CNTNAP4: variants seen among roughly 807,000 people sequenced by gnomAD.
CNTNAP4 encodes contactin-associated protein-like 4.
Under a neutral mutation model 148.4 loss-of-function variants are expected in CNTNAP4, and 98 were observed. That is an observed-to-expected ratio of 0.66 (90% CI 0.56 to 0.78). CNTNAP4 has a LOEUF of 0.78. Among genes scored for constraint, CNTNAP4 ranks in the 30% least tolerant of loss-of-function variants. The pLI is 0.00. For synonymous variants in CNTNAP4, 730 were observed against 565.1 expected, an observed-to-expected ratio of 1.29 and a Z score of -4.14; for missense variants, 1,935 against 1,565.6, an observed-to-expected ratio of 1.24 and a Z score of -3.98.
intron 1 of CNTNAP4, among the ~76,000 whole-genome samples, chr16:76,301,888 T>A (rs899505411): frequency 6.6e-6 from 1 of 152,106 alleles, no homozygotes. Flanking sequence ...TCAGAGTTCA[T>A]GGCATTTCGT....
chr16:76,549,673 T>C (rs1323303798), intron 21 of CNTNAP4, among the ~76,000 whole-genome samples: 1 of 152,078 alleles, frequency 6.6e-6, no homozygotes, highest in Non-Finnish European at 1.5e-5. Flanking sequence ...ATATGATTTT[T>C]TTTCCCAAAC....
intron 3 of CNTNAP4, among the ~76,000 whole-genome samples, chr16:76,420,280 A>ATGTATATTCTGTATAATAT (rs1330005955): frequency 1.4e-5 from 1 of 73,920 alleles, no homozygotes; most frequent in Admixed American, 1.6e-4. Context: ...ATAGGAGATA[A>ATGTATATTCTGTATAATAT]ATATTAATTT....
At chr16:76,279,742 T>G (rs1350035422) in intron 1 of CNTNAP4, among the ~76,000 whole-genome samples, 1 of 152,208 alleles carries the variant, frequency 6.6e-6, no homozygotes, top group Non-Finnish European at 1.5e-5. Flanking sequence ...CTTATATAAT[T>G]AAAGTTGCAC....
chr16:76,310,271 A>G (rs1322648284), intron 1 of CNTNAP4, among the ~76,000 whole-genome samples: 4 of 152,204 alleles, frequency 2.6e-5, no homozygotes, highest in Non-Finnish European at 4.4e-5. Flanking sequence ...GCAGTAGCCC[A>G]GACTGGGTTT....
intron 3 of CNTNAP4, among the ~76,000 whole-genome samples, chr16:76,395,554 G>A (rs1048608793): frequency 2.0e-5 from 3 of 151,496 alleles, no homozygotes; most frequent in Non-Finnish European, 2.9e-5. Context: ...GTGAGCCACC[G>A]CGCCCGGCCA....
intron 4 of CNTNAP4, among the ~76,000 whole-genome samples, chr16:76,441,379 G>T (rs1015708777): frequency 1.3e-5 from 2 of 152,150 alleles, no homozygotes; most frequent in Non-Finnish European, 2.9e-5. Context: ...CTATTGCAAA[G>T]CTCTTAATTC....
intron 2 of CNTNAP4, among the ~76,000 whole-genome samples, chr16:76,347,132 A>G (rs902781289): frequency 1.7e-5 from 2 of 116,606 alleles, no homozygotes; most frequent in Non-Finnish European, 3.6e-5. Context: ...GTGTGAGGCA[A>G]TTGGTTGTGT....
chr16:76,475,440 C>T lies in CNTNAP4; in HGVS notation c.1656-499C>T, dbSNP rs1169708616. Among the ~76,000 whole-genome samples the T allele has an allele frequency of 3.3e-5, 5 of 152,240 alleles. No homozygotes were observed. The East Asian group carries it at 9.7e-4, about 29-fold the overall frequency. On this transcript the variant is annotated intron_variant, in intron 10 of 23. Coordinates refer to ENST00000611870, the MANE Select transcript of CNTNAP4 (RefSeq NM_033401.5). ...AGTCCCTATGAGTTCTGTTTTGCAC[C>T]TTAGAGCACCCCAACACACTGCTTG...
chr16:76,446,215 G>T (rs2080237806), intron 4 of CNTNAP4, among the ~76,000 whole-genome samples: 1 of 152,146 alleles, frequency 6.6e-6, no homozygotes, highest in Non-Finnish European at 1.5e-5. Flanking sequence ...GCATATTTGG[G>T]CTTACAAGTA....
intron 4 of CNTNAP4, among the ~76,000 whole-genome samples, chr16:76,427,988 C>T (rs181025076): frequency 7.9e-5 from 12 of 152,134 alleles, no homozygotes; most frequent in African/African-American, 2.6e-4. Flanking sequence ...TTAGTTTAAC[C>T]GTCATGTTAT....
chr16:76,485,532 A>T (rs933307058), intron 12 of CNTNAP4, among the ~76,000 whole-genome samples: 1 of 152,202 alleles, frequency 6.6e-6, no homozygotes, highest in Non-Finnish European at 1.5e-5. Flanking sequence ...GCCAGAACAG[A>T]GACTTTCAAG....
chr16:76,522,095 G>T lies in CNTNAP4; in HGVS notation c.2593G>T (p.Val865Leu). ...DVGNGPFEISVQSPTHFNDNQ... is the reference protein window; with the variant it reads ...DVGNGPFEISLQSPTHFNDNQ... ...GGGGAATGGGCCTTTTGAAATCTCAGTGCAGTCACCCACCCACTTCAACGA... is the reference window on the plus strand; with the variant it reads ...GGGGAATGGGCCTTTTGAAATCTCATTGCAGTCACCCACCCACTTCAACGA... Residue 865 changes from valine to leucine, a missense_variant, in exon 17 of 24, where the codon GTG (valine) becomes TTG (leucine). Val to Leu is a conservative substitution (Grantham distance 32). Transcript: ENST00000611870. 1 of 1,613,922 alleles carries T rather than the reference G, an allele frequency of 6.2e-7. No homozygotes were observed. Among genetic ancestry groups the T allele is most frequent in the South Asian group, 1.1e-5 (1 of 91,072 alleles).
intron 15 of CNTNAP4, among the ~76,000 whole-genome samples, chr16:76,512,054 C>T (rs1473720835): frequency 6.6e-6 from 1 of 151,986 alleles, no homozygotes; most frequent in Non-Finnish European, 1.5e-5. Flanking sequence ...GTACTCTACA[C>T]AGAGGGAAAG....
intron 1 of CNTNAP4, among the ~76,000 whole-genome samples, chr16:76,301,701 A>T (rs1959988124): frequency 6.6e-6 from 1 of 152,168 alleles, no homozygotes; most frequent in Non-Finnish European, 1.5e-5. Flanking sequence ...AAAAGAGGAA[A>T]GATTTATTGG....
At chr16:76,471,995 G>A (rs760629535) in intron 10 of CNTNAP4, among the ~76,000 whole-genome samples, 6 of 152,164 alleles carry the variant, frequency 3.9e-5, no homozygotes, top group Non-Finnish European at 8.8e-5. Flanking sequence ...ACATTGTAAT[G>A]GACAGGGAAT....
intron 15 of CNTNAP4, among the ~76,000 whole-genome samples, chr16:76,503,144 C>T (rs2143929025): frequency 6.6e-6 from 1 of 152,264 alleles, no homozygotes; most frequent in African/African-American, 2.4e-5. Flanking sequence ...AATCTGATAG[C>T]TAATGTCATA....
At chr16:76,477,242 C>T (rs146832155) in intron 11 of CNTNAP4, among the ~76,000 whole-genome samples, 3 of 152,162 alleles carry the variant, frequency 2.0e-5, no homozygotes, top group South Asian at 4.2e-4. Flanking sequence ...AAATGGATTG[C>T]ATGTGTTGTA....
intron 23 of CNTNAP4, among the ~76,000 whole-genome samples, chr16:76,556,542 A>G (rs147720511): frequency 5.4e-4 from 82 of 152,262 alleles, no homozygotes; most frequent in African/African-American, 1.8e-3. Flanking sequence ...CATTCATTTT[A>G]TAATTGTAGT....
chr16:76,298,702 C>G (rs1959600659), intron 1 of CNTNAP4, among the ~76,000 whole-genome samples: 2 of 152,126 alleles, frequency 1.3e-5, no homozygotes, highest in South Asian at 4.1e-4. Context: ...GCTCAGTTGC[C>G]TGCAGGGATG....
Sources: gnomAD v4.1 joint callset for allele counts (sites outside exome capture counted in the v4.1 genomes callset) on GRCh38, gnomAD v4.1.1 for gene constraint, MANE v1.5 for transcripts, NCBI Gene and HGNC (gene_info 2026-07-23, HGNC 2026-07-21) for gene names.